The following CDK13 variants were observed in gnomAD, a reference collection of about 807,000 sequenced individuals.
CDK13 encodes the protein cyclin dependent kinase 13, also known as cyclin-dependent kinase 13.
CDK13 carries 40 observed loss-of-function variants against 137.6 expected under a neutral mutation model. That is an observed-to-expected ratio of 0.29 (90% CI 0.23 to 0.38). CDK13 has a LOEUF of 0.38. CDK13 is among the 10% of genes least tolerant of loss of function. The probability of loss-of-function intolerance (pLI) is 1.00; values close to 1 mark genes in which losing one functional copy is unlikely to be tolerated. For synonymous variants in CDK13, 869 were observed against 760.1 expected, an observed-to-expected ratio of 1.14 and a Z score of -2.36; for missense variants, 1,704 against 1,951.8, an observed-to-expected ratio of 0.87 and a Z score of 2.39.
At position 39,966,275 on chromosome 7, in the gene CDK13, G is replaced by T. The variant is rs1082026; in HGVS notation, c.1211+14423G>T. On this transcript the variant is annotated intron_variant, in intron 1 of 13. Transcript: ENST00000181839. Reference sequence around the variant, plus strand: ...TACACCAATCAGATGTAGATTTGGTGTTTTCACATGGTTCCATATTTCTTG... The same window carrying T: ...TACACCAATCAGATGTAGATTTGGTTTTTTCACATGGTTCCATATTTCTTG... 3.3e-5 allele frequency among the ~76,000 whole-genome samples: 5 copies of T among 152,318 alleles called. No homozygotes were observed. In the East Asian group the frequency reaches 9.7e-4, roughly 29 times the overall value.
intron 9 of CDK13, among the ~76,000 whole-genome samples, chr7:40,076,869 C>T (rs114845460): frequency 1.3e-3 from 192 of 152,162 alleles, no homozygotes; most frequent in African/African-American, 4.4e-3. Context: ...GATACATCAA[C>T]GTTTTCTTTT....
At chr7:40,062,524 C>CG in intron 7 of CDK13, 1 of 242,560 alleles carries the variant, frequency 4.1e-6, no homozygotes, top group Non-Finnish European at 8.0e-6. Context: ...TCGTGATCTG[C>CG]CAGCCTCGGC....
intron 11 of CDK13, among the ~76,000 whole-genome samples, chr7:40,087,237 G>T (rs1786807656): frequency 6.6e-6 from 1 of 152,054 alleles, no homozygotes; most frequent in African/African-American, 2.4e-5. Flanking sequence ...ACCACCACCT[G>T]GGCTCAAGCT....
At chr7:40,060,439 T>C (rs930929373) in intron 7 of CDK13, among the ~76,000 whole-genome samples, 3 of 152,214 alleles carry the variant, frequency 2.0e-5, no homozygotes, top group Non-Finnish European at 4.4e-5. Flanking sequence ...TTTGAGAAAC[T>C]AGTTGTCATA....
intron 9 of CDK13, 26 bp downstream of exon 9, chr7:40,063,126 G>A: frequency 6.5e-7 from 1 of 1,530,324 alleles, no homozygotes; most frequent in Non-Finnish European, 9.1e-7. Context: ...TAATATTGGT[G>A]GGAATTGGGA....
intron 1 of CDK13, among the ~76,000 whole-genome samples, chr7:39,957,906 C>A (rs1562696952): frequency 6.6e-6 from 1 of 151,912 alleles, no homozygotes; most frequent in Admixed American, 6.6e-5. Flanking sequence ...TTATTTTGGA[C>A]TTTTTTTGTG....
intron 1 of CDK13, among the ~76,000 whole-genome samples, chr7:39,972,006 A>G (rs1480133348): frequency 6.6e-6 from 1 of 152,246 alleles, no homozygotes; most frequent in Non-Finnish European, 1.5e-5. Flanking sequence ...AGAGAGACTA[A>G]TCAAAGTATG....
rs141443205 is a variant in CDK13 at position 39,972,347 on chromosome 7, A to G, written c.1212-15252A>G. Among the ~76,000 whole-genome samples the G allele has an allele frequency of 1.6e-4, 25 of 152,352 alleles. No homozygotes were observed. The East Asian group carries it at 3.3e-3, about 20-fold the overall frequency. ...TATTGAAATGTATTTCACATACTGTACAGTTACTGTTTTAAACTATAATTT... is the reference window on the plus strand; with the variant it reads ...TATTGAAATGTATTTCACATACTGTGCAGTTACTGTTTTAAACTATAATTT... On this transcript the variant is annotated intron_variant, in intron 1 of 13. Transcript: ENST00000181839.
intron 1 of CDK13, among the ~76,000 whole-genome samples, chr7:39,961,881 G>A (rs917241817): frequency 3.6e-4 from 54 of 152,084 alleles, no homozygotes; most frequent in African/African-American, 1.2e-3. Context: ...GTGAGAACAT[G>A]CGGTGTTTGG....
intron 1 of CDK13, among the ~76,000 whole-genome samples, chr7:39,957,139 A>T (rs1787432673): frequency 7.2e-6 from 1 of 138,346 alleles, no homozygotes; most frequent in Non-Finnish European, 1.5e-5. Flanking sequence ...GTGTTTTGGT[A>T]GAGATGGTGT....
chr7:40,062,823 T>C lies in CDK13; in HGVS notation c.2601-3T>C. 1.9e-6 allele frequency: 3 copies of C among 1,603,488 alleles called. No homozygotes were observed. Among genetic ancestry groups the C allele is most frequent in the Non-Finnish European group, 2.6e-6 (3 of 1,170,488 alleles). ...TCTAAAGACTGTTTTCTGTGTTTTT[T>C]AGTCGGCCGTATACTAACAAGGTAA... On this transcript the variant is annotated splice_polypyrimidine_tract_variant and splice_region_variant and intron_variant, in intron 7 of 13. Coordinates refer to ENST00000181839, the MANE Select transcript of CDK13 (RefSeq NM_003718.5).
chr7:40,020,936 CA>C (rs1321311399), intron 5 of CDK13, among the ~76,000 whole-genome samples: 1 of 151,908 alleles, frequency 6.6e-6, no homozygotes, highest in Non-Finnish European at 1.5e-5. Context: ...ACCAAAAATA[CA>C]AAAATTAGCA....
At chr7:40,029,026 A>G (rs1397237071) in intron 5 of CDK13, among the ~76,000 whole-genome samples, 1 of 152,070 alleles carries the variant, frequency 6.6e-6, no homozygotes, top group Non-Finnish European at 1.5e-5. Context: ...GCATGGGTTC[A>G]CTTATATGCA....
chr7:40,050,321 A>G (rs1785857397), intron 7 of CDK13, among the ~76,000 whole-genome samples: 1 of 152,126 alleles, frequency 6.6e-6, no homozygotes. Flanking sequence ...TGAAAGGAAA[A>G]ATTGGTCTGA....
At chr7:39,971,978 C>G (rs1784009411) in intron 1 of CDK13, among the ~76,000 whole-genome samples, 1 of 152,196 alleles carries the variant, frequency 6.6e-6, no homozygotes, top group Admixed American at 6.5e-5. Flanking sequence ...ACACTTTGAA[C>G]AAATTCTTGA....
At chr7:40,000,507 C>T (rs1419153801) in intron 4 of CDK13, among the ~76,000 whole-genome samples, 1 of 152,176 alleles carries the variant, frequency 6.6e-6, no homozygotes, top group Non-Finnish European at 1.5e-5. Flanking sequence ...TGGACCACTG[C>T]ACTCCAGTCA....
chr7:40,043,058 G>C (rs898542342), intron 5 of CDK13, among the ~76,000 whole-genome samples: 1 of 152,160 alleles, frequency 6.6e-6, no homozygotes, highest in Admixed American at 6.5e-5. Context: ...GATTACTGGC[G>C]TGAGCTACCA....
chr7:39,991,017 T>C (rs547192437), intron 2 of CDK13, among the ~76,000 whole-genome samples: 28 of 150,390 alleles, frequency 1.9e-4, no homozygotes, highest in Admixed American at 1.5e-3. Flanking sequence ...ATAGACCTAG[T>C]GCTTCATTTG....
rs1252886780 is a variant in CDK13 at position 40,003,200 on chromosome 7, A to ACTCTCTCTCT, written c.2353+1170_2353+1171insTCTCTCTCTC. On this transcript the variant is annotated intron_variant, in intron 5 of 13. Coordinates refer to ENST00000181839, the MANE Select transcript of CDK13 (RefSeq NM_003718.5). The stretch of plus-strand genomic sequence containing the variant: ...CACACACACACACACACACACACAC[A>ACTCTCTCTCT]CACACACTCTCTCTCTCTCTCTCTC... 8.2e-3 allele frequency among the ~76,000 whole-genome samples: 706 copies of ACTCTCTCTCT among 86,142 alleles called. 7 individuals carry two copies. Among genetic ancestry groups the ACTCTCTCTCT allele is most frequent in the African/African-American group, 0.03 (669 of 22,544 alleles). The allele number at this position is 86,142 out of a possible 152,430, so 56.5% of individuals were successfully genotyped here. A position where few individuals can be genotyped will look rare whatever the true frequency, so the allele number is the denominator to read the frequency against.
Sources: gnomAD v4.1 joint callset for allele counts (sites outside exome capture counted in the v4.1 genomes callset) on GRCh38, gnomAD v4.1.1 for gene constraint, MANE v1.5 for transcripts, NCBI Gene and HGNC (gene_info 2026-07-23, HGNC 2026-07-21) for gene names.